GPM6A: variants seen among roughly 807,000 people sequenced by gnomAD.
GPM6A encodes the protein glycoprotein M6A, also known as neuronal membrane glycoprotein M6-a.
In GPM6A, 7 loss-of-function variants were observed where a neutral mutation model predicts 32.1. That is an observed-to-expected ratio of 0.22 (90% CI 0.12 to 0.41). GPM6A has a LOEUF of 0.41. Ranked by LOEUF, GPM6A falls within the 10% of genes least tolerant of loss-of-function variation. The probability of loss-of-function intolerance (pLI) is 1.00; values close to 1 mark genes in which losing one functional copy is unlikely to be tolerated. For synonymous variants in GPM6A, 130 were observed against 123.4 expected (o/e 1.05, Z -0.35); for missense variants, 235 against 347.2 (o/e 0.68, Z 2.57).
At chr4:175,755,988 T>C (rs975953966) in intron 1 of GPM6A, among the ~76,000 whole-genome samples, 1 of 152,108 alleles carries the variant, frequency 6.6e-6, no homozygotes, top group Non-Finnish European at 1.5e-5. Context: ...TATTGAGCCT[T>C]GAAAAATTAG....
chr4:175,933,498 C>T (rs374711607), intron 1 of GPM6A, among the ~76,000 whole-genome samples: 3 of 152,222 alleles, frequency 2.0e-5, no homozygotes, highest in East Asian at 1.9e-4. Context: ...TCTCCTGTGT[C>T]GATAGTGAAT....
At chr4:175,951,766 TGCGGA>T (rs1052469410) in intron 1 of GPM6A, among the ~76,000 whole-genome samples, 9 of 152,254 alleles carry the variant, frequency 5.9e-5, no homozygotes, top group African/African-American at 2.2e-4. Context: ...TATTGGTTAA[TGCGGA>T]GCGTGTTTGT....
intron 1 of GPM6A, among the ~76,000 whole-genome samples, chr4:175,793,238 T>G (rs1173518738): frequency 6.6e-6 from 1 of 152,232 alleles, no homozygotes; most frequent in East Asian, 1.9e-4. Context: ...ACAATATGAA[T>G]GCTCTTACTC....
Position 175,827,328 on chromosome 4 carries a change from G to T in GPM6A, c.-22-15079C>A, listed in dbSNP as rs187487759. Among the ~76,000 whole-genome samples, 7 of 152,260 alleles carry T rather than the reference G, an allele frequency of 4.6e-5. No homozygotes were observed. In the East Asian group the frequency reaches 1.4e-3, roughly 29 times the overall value. On this transcript the variant is annotated intron_variant, in intron 1 of 7. Transcript: ENST00000280187. The stretch of plus-strand genomic sequence containing the variant: ...AAACGTTTAGTTAGAGCTTATATAT[G>T]CCAACCGCAGGTCTTAGCATTTATG...
intron 1 of GPM6A, among the ~76,000 whole-genome samples, chr4:175,913,608 C>T (rs1411321709): frequency 6.6e-6 from 1 of 152,188 alleles, no homozygotes; most frequent in Non-Finnish European, 1.5e-5. Flanking sequence ...AATCCGGCCA[C>T]ATCAGCGAAT....
intron 1 of GPM6A, among the ~76,000 whole-genome samples, chr4:175,874,413 G>A (rs1737015325): frequency 6.6e-6 from 1 of 152,172 alleles, no homozygotes; most frequent in African/African-American, 2.4e-5. Context: ...CGCTCAGTGA[G>A]GCTGCAGATG....
intron 3 of GPM6A, among the ~76,000 whole-genome samples, chr4:175,667,536 AAATCAGAAAGAAGC>A (rs1205066326): frequency 5.9e-5 from 9 of 152,172 alleles, no homozygotes; most frequent in African/African-American, 2.2e-4. Context: ...AAAACTAAGG[AAATCAGAAAGAAGC>A]ATGGACTTTT....
At chr4:175,969,922 G>T (rs886601924) in intron 1 of GPM6A, among the ~76,000 whole-genome samples, 23 of 151,960 alleles carry the variant, frequency 1.5e-4, no homozygotes, top group African/African-American at 4.4e-4. Flanking sequence ...CCCACCAAAA[G>T]GCATACAATC....
At chr4:175,846,207 T>C (rs1050254144) in intron 1 of GPM6A, among the ~76,000 whole-genome samples, 1 of 152,160 alleles carries the variant, frequency 6.6e-6, no homozygotes, top group Non-Finnish European at 1.5e-5. Context: ...TCATTTTTTG[T>C]ACATATAGGC....
chr4:175,745,546 A>G (rs1346485672), intron 1 of GPM6A, among the ~76,000 whole-genome samples: 4 of 152,196 alleles, frequency 2.6e-5, no homozygotes, highest in African/African-American at 4.8e-5. Context: ...CCCTGCCTCA[A>G]AAGACCTAGT....
At chr4:175,669,011 C>T (rs955464005) in intron 3 of GPM6A, among the ~76,000 whole-genome samples, 9 of 152,250 alleles carry the variant, frequency 5.9e-5, no homozygotes, top group African/African-American at 1.9e-4. Context: ...GCAAGTCAGT[C>T]ATCCTCTCCA....
chr4:175,880,397 A>G (rs1737232219), intron 1 of GPM6A, among the ~76,000 whole-genome samples: 1 of 152,150 alleles, frequency 6.6e-6, no homozygotes, highest in South Asian at 2.1e-4. Flanking sequence ...TATGAACTTT[A>G]AAGTAGTTTT....
chr4:175,855,530 A>G (rs1736390114), intron 1 of GPM6A, among the ~76,000 whole-genome samples: 1 of 152,226 alleles, frequency 6.6e-6, no homozygotes, highest in African/African-American at 2.4e-5. Flanking sequence ...TCTATGAGAC[A>G]TAAGGCAAAA....
In GPM6A at chr4:175,958,704, G is replaced by A. The variant is rs192430134; in HGVS notation, c.-23+43605C>T. ...CTAGATCACATCTTGAAATAAACTA[G>A]GGTGTGATCTACTCACATCTGTGTT... On this transcript the variant is annotated intron_variant, in intron 1 of 7. Transcript: ENST00000280187. 2.9e-3 allele frequency among the ~76,000 whole-genome samples: 437 copies of A among 152,242 alleles called. 1 individual carries two copies. The highest frequency in any genetic ancestry group is 4.8e-3 in the Non-Finnish European group (328 of 68,016).
intron 1 of GPM6A, among the ~76,000 whole-genome samples, chr4:175,905,224 T>A (rs1738093166): frequency 6.6e-6 from 1 of 152,168 alleles, no homozygotes; most frequent in South Asian, 2.1e-4. Flanking sequence ...TAGTAAGGTC[T>A]GTTATTCAGA....
At chr4:175,850,219 T>C (rs1736210780) in intron 1 of GPM6A, among the ~76,000 whole-genome samples, 2 of 151,986 alleles carry the variant, frequency 1.3e-5, no homozygotes, top group Admixed American at 6.6e-5. Flanking sequence ...CCCTAAGCTA[T>C]AAAGAGAGGG....
chr4:175,687,875 A>T (rs1046989034), intron 2 of GPM6A, among the ~76,000 whole-genome samples: 1 of 152,140 alleles, frequency 6.6e-6, no homozygotes, highest in African/African-American at 2.4e-5. Context: ...TGTAATGGGC[A>T]TCCTTATAAG....
intron 2 of GPM6A, among the ~76,000 whole-genome samples, chr4:175,693,762 C>A (rs927866582): frequency 3.9e-5 from 6 of 152,096 alleles, no homozygotes; most frequent in African/African-American, 1.4e-4. Flanking sequence ...AGATATGTTT[C>A]CCTAAAGTTG....
intron 1 of GPM6A, among the ~76,000 whole-genome samples, chr4:175,745,610 G>A (rs1360548469): frequency 6.6e-6 from 1 of 152,132 alleles, no homozygotes. Context: ...CAAATGTGTG[G>A]TTCACAGAAA....
Sources: gnomAD v4.1 joint callset for allele counts (sites outside exome capture counted in the v4.1 genomes callset) on GRCh38, gnomAD v4.1.1 for gene constraint, MANE v1.5 for transcripts, NCBI Gene and HGNC (gene_info 2026-07-23, HGNC 2026-07-21) for gene names.